The following PPEF1 variants were observed in gnomAD, a reference collection of about 807,000 sequenced individuals.
PPEF1 encodes serine/threonine-protein phosphatase with EF-hands 1.
Under a neutral mutation model 53.3 loss-of-function variants are expected in PPEF1, and 12 were observed. That is an observed-to-expected ratio of 0.23 (90% CI 0.14 to 0.36). The LOEUF is 0.36. PPEF1 is among the 10% of genes least tolerant of loss of function. The probability of loss-of-function intolerance (pLI) is 1.00; values close to 1 mark genes in which losing one functional copy is unlikely to be tolerated. For missense variants in PPEF1, 334 were observed against 490.4 expected (o/e 0.68, Z 3.01); for synonymous variants, 165 against 176.7 (o/e 0.93, Z 0.52).
intron 9 of PPEF1, among the ~76,000 whole-genome samples, chrX:18,787,499 G>A (rs936151074): frequency 2.7e-5 from 3 of 111,266 alleles, no homozygotes; most frequent in Non-Finnish European, 5.6e-5. Context: ...CTCCCTGGGG[G>A]AAAATGGTCG....
intron 3 of PPEF1, among the ~76,000 whole-genome samples, chrX:18,735,715 G>T (rs1267201268): frequency 9.0e-6 from 1 of 111,668 alleles, no homozygotes; most frequent in Admixed American, 9.6e-5. Context: ...AAATTACCTT[G>T]GGCAGTATGG....
intron 10 of PPEF1, among the ~76,000 whole-genome samples, chrX:18,794,160 G>A (rs1297880731): frequency 8.8e-6 from 1 of 112,996 alleles, no homozygotes; most frequent in African/African-American, 3.2e-5. Flanking sequence ...GCAGGGGCAG[G>A]GCTTTAACCA....
Position 18,707,724 on chromosome X carries a change from ACT to A in PPEF1, c.-54_-53del, listed in dbSNP as rs2044231572. 2 of 1,113,632 alleles carry A rather than the reference ACT, an allele frequency of 1.8e-6. No individual in the cohort carries two copies. Among genetic ancestry groups the A allele is most frequent in the African/African-American group, 1.8e-5 (1 of 55,166 alleles). 91.8% of individuals were successfully genotyped at this position (1,113,632 alleles called of 1,213,427 possible). On this transcript the variant is annotated 5_prime_UTR_variant, in exon 1 of 16. An upstream open reading frame in the 5' UTR loses its in-frame stop. Transcript: ENST00000470157. ...CAGCTTAAAGGGAGGCACTTTTCAC[ACT>A]CTGTCTTAAAATCAGAAGTTGAATT...
intron 8 of PPEF1, among the ~76,000 whole-genome samples, 177 bp downstream of exon 8, chrX:18,782,579 A>G (rs2046109439): frequency 9.0e-6 from 1 of 111,389 alleles, no homozygotes; most frequent in African/African-American, 3.3e-5. Flanking sequence ...GTAGAGTCTT[A>G]TATTTTCTTT....
chrX:18,784,109 T>G lies in PPEF1; in HGVS notation c.912+61T>G, dbSNP rs776580276. 2.2e-4 allele frequency: 217 copies of G among 973,013 alleles called. No individual in the cohort carries two copies. In the African/African-American group the frequency reaches 3.8e-3, roughly 17 times the overall value. 80.2% of individuals were successfully genotyped at this position (973,013 alleles called of 1,213,427 possible). A position where few individuals can be genotyped will look rare whatever the true frequency, so the allele number is the denominator to read the frequency against. On this transcript the variant is annotated intron_variant, in intron 9 of 15. Coordinates refer to ENST00000470157, the MANE Select transcript of PPEF1 (RefSeq NM_001377996.1). ...GATTTAGAAGGGAATACATACCTCT[T>G]CATTTATTATTTTGAATTGATTTGT... is the stretch of plus-strand genomic sequence containing the variant.
At chrX:18,768,974 G>C (rs1290336217) in intron 6 of PPEF1, among the ~76,000 whole-genome samples, 1 of 112,333 alleles carries the variant, frequency 8.9e-6, no homozygotes. Flanking sequence ...GGGAAGTTTT[G>C]GAGGATCATG....
At chrX:18,812,418 T>C (rs1413014569) in intron 12 of PPEF1, among the ~76,000 whole-genome samples, 2 of 112,512 alleles carry the variant, frequency 1.8e-5, no homozygotes, top group African/African-American at 6.5e-5. Flanking sequence ...AACTGGTAAA[T>C]GTGAGTTGAA....
intron 11 of PPEF1, among the ~76,000 whole-genome samples, chrX:18,804,303 C>A (rs990106524): frequency 1.2e-4 from 10 of 81,875 alleles, no homozygotes; most frequent in African/African-American, 4.3e-4. Context: ...ATCCCAGAAA[C>A]AGAAATTCTT....
chrX:18,756,010 CAT>C (rs942525297), intron 4 of PPEF1, among the ~76,000 whole-genome samples: 18 of 111,320 alleles, frequency 1.6e-4, no homozygotes, highest in African/African-American at 5.5e-4. Context: ...CTTGCAAACA[CAT>C]AGAATATTTC....
At chrX:18,772,611 G>A (rs2045892807) in intron 6 of PPEF1, among the ~76,000 whole-genome samples, 3 of 111,812 alleles carry the variant, frequency 2.7e-5, no homozygotes, top group Admixed American at 9.5e-5. Context: ...GGTAGAATTT[G>A]GCTGTGAATG....
intron 1 of PPEF1, among the ~76,000 whole-genome samples, chrX:18,712,032 A>G (rs780496599): frequency 3.6e-5 from 4 of 112,262 alleles, no homozygotes; most frequent in East Asian, 2.8e-4. Context: ...GATTACAGGC[A>G]TAAGCCACCA....
chrX:18,699,525 C>G (rs1929936005), intron 5 of PPEF1, among the ~76,000 whole-genome samples: 1 of 112,166 alleles, frequency 8.9e-6, no homozygotes, highest in African/African-American at 3.2e-5. Flanking sequence ...GTATAAGACT[C>G]TGTGAACAAG....
chrX:18,714,560 C>T (rs1443239563), intron 1 of PPEF1, among the ~76,000 whole-genome samples: 7 of 112,015 alleles, frequency 6.2e-5, no homozygotes, highest in Admixed American at 3.8e-4. Context: ...CGTGAGCCAC[C>T]GTGCCCAGCC....
intron 6 of PPEF1, among the ~76,000 whole-genome samples, chrX:18,771,810 A>C (rs909645078): frequency 3.6e-5 from 4 of 111,803 alleles, no homozygotes; most frequent in Non-Finnish European, 7.5e-5. Flanking sequence ...TAGAGAAAAA[A>C]ATATATTATT....
intron 6 of PPEF1, among the ~76,000 whole-genome samples, chrX:18,767,552 T>G (rs897003150): frequency 2.7e-5 from 3 of 111,465 alleles, no homozygotes; most frequent in African/African-American, 6.5e-5. Context: ...CTGAAAAAAA[T>G]AAGAAGAAGT....
intron 6 of PPEF1, among the ~76,000 whole-genome samples, chrX:18,770,536 T>C (rs2045853987): frequency 8.9e-6 from 1 of 111,859 alleles, no homozygotes; most frequent in African/African-American, 3.2e-5. Flanking sequence ...GTGAGATTCT[T>C]GAAGAAAATC....
chrX:18,752,606 C>A (rs1328815998), intron 4 of PPEF1, among the ~76,000 whole-genome samples: 1 of 110,950 alleles, frequency 9.0e-6, no homozygotes, highest in Non-Finnish European at 1.9e-5. Flanking sequence ...TCTTTCACTA[C>A]TGAGTTTAAT....
At chrX:18,788,718 A>G (rs753986702) in intron 9 of PPEF1, among the ~76,000 whole-genome samples, 23 of 111,857 alleles carry the variant, frequency 2.1e-4, no homozygotes, top group African/African-American at 7.1e-4. Flanking sequence ...CAAAATGCAC[A>G]GCAGCCACTC....
chrX:18,826,174 G>A (rs761459225), intron 15 of PPEF1, among the ~76,000 whole-genome samples: 1 of 111,098 alleles, frequency 9.0e-6, no homozygotes, highest in African/African-American at 3.3e-5. Flanking sequence ...AGGGGAAAAA[G>A]AAACTCATTT....
Sources: gnomAD v4.1 joint callset for allele counts (sites outside exome capture counted in the v4.1 genomes callset) on GRCh38, gnomAD v4.1.1 for gene constraint, MANE v1.5 for transcripts, NCBI Gene and HGNC (gene_info 2026-07-23, HGNC 2026-07-21) for gene names.